The following RBMS3 variants were observed in gnomAD, a reference collection of about 807,000 sequenced individuals.
RBMS3 encodes RNA binding motif single stranded interacting protein 3, also known as RNA-binding motif, single-stranded-interacting protein 3.
RBMS3 carries 27 observed loss-of-function variants against 66.8 expected under a neutral mutation model. That is an observed-to-expected ratio of 0.40 (90% CI 0.30 to 0.56). The LOEUF is 0.56. Among genes scored for constraint, RBMS3 ranks in the 20% least tolerant of loss-of-function variants. RBMS3 has a pLI of 0.40. For missense variants in RBMS3, 513 were observed against 549.5 expected (o/e 0.93, Z 0.66); for synonymous variants, 188 against 183.0 (o/e 1.03, Z -0.22).
chr3:29,659,423 A>G (rs2050449446), intron 4 of RBMS3, among the ~76,000 whole-genome samples: 1 of 152,010 alleles, frequency 6.6e-6, no homozygotes, highest in African/African-American at 2.4e-5. Flanking sequence ...CAGCCATTCT[A>G]TTTTCTGTCT....
chr3:29,970,027 T>C (rs1697121838), intron 12 of RBMS3, among the ~76,000 whole-genome samples: 1 of 152,192 alleles, frequency 6.6e-6, no homozygotes, highest in Admixed American at 6.5e-5. Flanking sequence ...TTTCTATAAG[T>C]GTGTATGAAA....
intron 3 of RBMS3, among the ~76,000 whole-genome samples, chr3:29,519,819 T>A (rs1040645858): frequency 2.0e-5 from 3 of 152,104 alleles, no homozygotes; most frequent in Non-Finnish European, 4.4e-5. Context: ...AGTATGGTGA[T>A]TTTTTTACAC....
chr3:29,732,904 C>T (rs1308887126), intron 4 of RBMS3, among the ~76,000 whole-genome samples: 2 of 152,046 alleles, frequency 1.3e-5, no homozygotes, highest in Non-Finnish European at 2.9e-5. Context: ...AAAAGTACTA[C>T]ATCAAGTCAA....
At chr3:29,686,838 T>A (rs567329130) in intron 4 of RBMS3, among the ~76,000 whole-genome samples, 65 of 152,334 alleles carry the variant, frequency 4.3e-4, no homozygotes, top group African/African-American at 1.6e-3. Context: ...GTTTATTGTT[T>A]ATTTTTTTCT....
intron 4 of RBMS3, among the ~76,000 whole-genome samples, chr3:29,669,492 G>C (rs1343798711): frequency 6.6e-6 from 1 of 152,122 alleles, no homozygotes; most frequent in Non-Finnish European, 1.5e-5. Flanking sequence ...TAGATTCATT[G>C]TACCACACGG....
At chr3:29,499,269 T>C (rs1462868057) in intron 3 of RBMS3, among the ~76,000 whole-genome samples, 3 of 147,516 alleles carry the variant, frequency 2.0e-5, no homozygotes, top group Admixed American at 2.0e-4. Flanking sequence ...TGCTAGCCAT[T>C]GTTCTTATTA....
intron 1 of RBMS3, among the ~76,000 whole-genome samples, chr3:29,307,668 T>C (rs1220293190): frequency 1.3e-5 from 2 of 151,828 alleles, no homozygotes; most frequent in African/African-American, 2.4e-5. Context: ...CTGCCTTTGA[T>C]TGTAGGATTT....
chr3:29,884,425 T>C (rs111839803), intron 8 of RBMS3, among the ~76,000 whole-genome samples: 21 of 61,764 alleles, frequency 3.4e-4, no homozygotes, highest in African/African-American at 1.2e-3. Flanking sequence ...AACCCTGTTC[T>C]CTCTCTCTCT....
intron 1 of RBMS3, among the ~76,000 whole-genome samples, chr3:29,308,191 T>A (rs1205092306): frequency 6.6e-6 from 1 of 151,828 alleles, no homozygotes; most frequent in Non-Finnish European, 1.5e-5. Flanking sequence ...AAATGTTGAG[T>A]TTAACTTCTC....
intron 6 of RBMS3, among the ~76,000 whole-genome samples, chr3:29,818,911 G>A (rs1262500637): frequency 6.6e-6 from 1 of 152,136 alleles, no homozygotes; most frequent in Non-Finnish European, 1.5e-5. Flanking sequence ...TGAATGCTAA[G>A]TTTTACTATG....
chr3:29,732,326 C>T (rs910452637), intron 4 of RBMS3, among the ~76,000 whole-genome samples: 7 of 152,262 alleles, frequency 4.6e-5, no homozygotes, highest in African/African-American at 1.2e-4. Flanking sequence ...GGAGGATCAG[C>T]CTTTTTGTTT....
At chr3:29,727,279 G>A (rs1286522703) in intron 4 of RBMS3, among the ~76,000 whole-genome samples, 2 of 152,060 alleles carry the variant, frequency 1.3e-5, no homozygotes, top group African/African-American at 4.8e-5. Context: ...GAAAACCTAG[G>A]CAATACCATT....
chr3:29,822,752 G>A (rs1164750319), intron 6 of RBMS3, among the ~76,000 whole-genome samples: 2 of 152,054 alleles, frequency 1.3e-5, no homozygotes, highest in African/African-American at 2.4e-5. Flanking sequence ...TGTGACATTG[G>A]GCAACCTTAG....
intron 12 of RBMS3, among the ~76,000 whole-genome samples, chr3:29,955,294 G>C (rs527314272): frequency 6.6e-6 from 1 of 152,090 alleles, no homozygotes; most frequent in East Asian, 1.9e-4. Context: ...TTCCATTTGA[G>C]TCTATCATCC....
At chr3:29,596,311 C>T (rs1576325013) in intron 4 of RBMS3, among the ~76,000 whole-genome samples, 1 of 152,200 alleles carries the variant, frequency 6.6e-6, no homozygotes, top group East Asian at 1.9e-4. Context: ...AAACTACAGA[C>T]TACCGAGGTT....
At chr3:29,372,882 G>GAA (rs201869825) in intron 1 of RBMS3, among the ~76,000 whole-genome samples, 2 of 138,334 alleles carry the variant, frequency 1.4e-5, no homozygotes, top group African/African-American at 2.7e-5. Flanking sequence ...CAGTGAGAGA[G>GAA]AAAAAAAAAA....
intron 1 of RBMS3, among the ~76,000 whole-genome samples, chr3:29,292,624 T>G (rs2032910865): frequency 6.6e-6 from 1 of 151,784 alleles, no homozygotes; most frequent in South Asian, 2.1e-4. Context: ...AAGAGTCTGA[T>G]GAACCTCAAA....
intron 4 of RBMS3, among the ~76,000 whole-genome samples, chr3:29,618,727 C>T (rs769885535): frequency 1.1e-4 from 16 of 152,084 alleles, no homozygotes; most frequent in Non-Finnish European, 2.1e-4. Flanking sequence ...CTTCCAGGGG[C>T]GTCTATGAGG....
intron 1 of RBMS3, among the ~76,000 whole-genome samples, chr3:29,284,747 C>T (rs2125411086): frequency 6.6e-6 from 1 of 151,966 alleles, no homozygotes; most frequent in East Asian, 1.9e-4. Context: ...GATGAAAACC[C>T]AGTGGCTGAC....
Sources: allele counts gnomAD v4.1 joint callset (sites outside exome capture counted in the v4.1 genomes callset), GRCh38; gene constraint gnomAD v4.1.1; transcripts MANE v1.5; gene names NCBI Gene and HGNC (gene_info 2026-07-23, HGNC 2026-07-21).